RALGAPA2: variants seen among roughly 807,000 people sequenced by gnomAD.
RALGAPA2 encodes the protein ral GTPase-activating protein subunit alpha-2.
RALGAPA2 carries 139 observed loss-of-function variants against 230.4 expected under a neutral mutation model. That is an observed-to-expected ratio of 0.60 (90% CI 0.53 to 0.69). The LOEUF is 0.69. Among genes scored for constraint, RALGAPA2 ranks in the 30% least tolerant of loss-of-function variants. The pLI is 0.00. For synonymous variants in RALGAPA2, 847 were observed against 837.8 expected, an observed-to-expected ratio of 1.01 and a Z score of -0.19; for missense variants, 2,163 against 2,276.0, an observed-to-expected ratio of 0.95 and a Z score of 1.01.
chr20:20,603,976 T>A (rs1568636969), intron 15 of RALGAPA2, among the ~76,000 whole-genome samples: 1 of 152,198 alleles, frequency 6.6e-6, no homozygotes, highest in African/African-American at 2.4e-5. Flanking sequence ...AAGCTAAGCA[T>A]CACCTAAGTG....
At chr20:20,707,842 A>T (rs1005976893) in intron 1 of RALGAPA2, among the ~76,000 whole-genome samples, 2 of 151,980 alleles carry the variant, frequency 1.3e-5, no homozygotes, top group Non-Finnish European at 2.9e-5. Flanking sequence ...TCCTCTGGGC[A>T]AGGGTCCTCA....
At chr20:20,637,335 C>A (rs575338660) in intron 8 of RALGAPA2, 28 bp downstream of exon 8, 1 of 1,541,548 alleles carries the variant, frequency 6.5e-7, no homozygotes, top group Non-Finnish European at 8.7e-7. Context: ...TTTGGATATC[C>A]TCTATACACG....
At chr20:20,579,539 C>G (rs972510981) in intron 20 of RALGAPA2, among the ~76,000 whole-genome samples, 3 of 152,272 alleles carry the variant, frequency 2.0e-5, no homozygotes, top group Non-Finnish European at 4.4e-5. Flanking sequence ...CTTTGTGGTT[C>G]TGCTAAACCA....
At chr20:20,696,797 C>A (rs1457704976) in intron 1 of RALGAPA2, among the ~76,000 whole-genome samples, 1 of 152,186 alleles carries the variant, frequency 6.6e-6, no homozygotes, top group South Asian at 2.1e-4. Context: ...TTCAGAGAGG[C>A]CTTCCCTCAC....
chr20:20,666,037 A>G (rs1241171287), intron 3 of RALGAPA2, among the ~76,000 whole-genome samples: 6 of 152,250 alleles, frequency 3.9e-5, no homozygotes, highest in African/African-American at 1.4e-4. Flanking sequence ...TTCAACATCA[A>G]TAAAAGCCAC....
chr20:20,451,175 A>G (rs1448970196), intron 37 of RALGAPA2, among the ~76,000 whole-genome samples: 3 of 152,136 alleles, frequency 2.0e-5, no homozygotes, highest in Non-Finnish European at 2.9e-5. Context: ...TGGCATCAAA[A>G]CTGGAATATA....
At chr20:20,629,329 ACACACAC>A in intron 10 of RALGAPA2, 27 bp downstream of exon 10, 1 of 907,068 alleles carries the variant, frequency 1.1e-6, no homozygotes, top group Non-Finnish European at 1.5e-6. Flanking sequence ...TAACACACAC[ACACACAC>A]ACACACACAC....
chr20:20,695,389 A>C (rs1196847772), intron 1 of RALGAPA2, among the ~76,000 whole-genome samples: 2 of 152,240 alleles, frequency 1.3e-5, no homozygotes, highest in Non-Finnish European at 2.9e-5. Flanking sequence ...AGCAGCTAGC[A>C]CTGAGTAGGC....
intron 3 of RALGAPA2, chr20:20,659,809 CA>C (rs2067709968): frequency 2.3e-6 from 2 of 861,558 alleles, no homozygotes; most frequent in Non-Finnish European, 3.6e-6. Context: ...AAAAACAGAA[CA>C]AGACAAGAAT....
At chr20:20,611,200 A>G (rs2065964569) in intron 14 of RALGAPA2, 115 bp downstream of exon 14, 1 of 1,334,252 alleles carries the variant, frequency 7.5e-7, no homozygotes, top group African/African-American at 1.5e-5. Context: ...AAGAAGAAAA[A>G]TTTCTAGAAA....
At chr20:20,701,465 G>C (rs1017758932) in intron 1 of RALGAPA2, among the ~76,000 whole-genome samples, 7 of 152,200 alleles carry the variant, frequency 4.6e-5, no homozygotes, top group Admixed American at 3.9e-4. Context: ...TGGGCCGGGC[G>C]CGGTGGCTCA....
intron 30 of RALGAPA2, 62 bp downstream of exon 30, chr20:20,524,344 T>G: frequency 1.3e-6 from 2 of 1,583,496 alleles, no homozygotes; most frequent in East Asian, 2.2e-5. Flanking sequence ...TAAGACATAT[T>G]TTGGTGGTTC....
intron 1 of RALGAPA2, among the ~76,000 whole-genome samples, chr20:20,692,612 G>A (rs1399413189): frequency 6.6e-6 from 1 of 152,218 alleles, no homozygotes; most frequent in Non-Finnish European, 1.5e-5. Context: ...TCAAGCCTGT[G>A]ACCCAATGCT....
intron 37 of RALGAPA2, among the ~76,000 whole-genome samples, chr20:20,435,699 CA>C (rs2060596258): frequency 6.6e-6 from 1 of 152,156 alleles, no homozygotes; most frequent in Non-Finnish European, 1.5e-5. Context: ...AAGAAGGAGG[CA>C]GGCTGATGCT....
chr20:20,523,972 G>A (rs564253049), intron 30 of RALGAPA2, among the ~76,000 whole-genome samples: 2 of 152,064 alleles, frequency 1.3e-5, no homozygotes, highest in East Asian at 1.9e-4. Context: ...ACTTTTTTGG[G>A]GGGGGATGGA....
At chr20:20,657,592 G>T (rs2067632766) in intron 3 of RALGAPA2, among the ~76,000 whole-genome samples, 1 of 152,226 alleles carries the variant, frequency 6.6e-6, no homozygotes, top group Non-Finnish European at 1.5e-5. Context: ...ACAGCTGGCT[G>T]CTACCTCACG....
At chr20:20,469,898 C>T (rs1407585073) in intron 37 of RALGAPA2, among the ~76,000 whole-genome samples, 1 of 152,126 alleles carries the variant, frequency 6.6e-6, no homozygotes, top group Non-Finnish European at 1.5e-5. Context: ...GCCCTCATCA[C>T]TCAGAAAAGC....
chr20:20,686,804 T>C (rs1352064465), intron 1 of RALGAPA2, among the ~76,000 whole-genome samples: 1 of 152,178 alleles, frequency 6.6e-6, no homozygotes, highest in Non-Finnish European at 1.5e-5. Flanking sequence ...TGCTTTTTAT[T>C]TGGAAGGGTC....
intron 11 of RALGAPA2, among the ~76,000 whole-genome samples, chr20:20,620,185 T>C (rs1309645659): frequency 6.6e-6 from 1 of 152,246 alleles, no homozygotes; most frequent in Non-Finnish European, 1.5e-5. Context: ...TAAAATATGA[T>C]GGCTTATTAA....
Sources: gnomAD v4.1 joint callset for allele counts (sites outside exome capture counted in the v4.1 genomes callset) on GRCh38, gnomAD v4.1.1 for gene constraint, MANE v1.5 for transcripts, NCBI Gene and HGNC (gene_info 2026-07-23, HGNC 2026-07-21) for gene names.